Variants in CCSAP observed in about 807,000 individuals in gnomAD.
The protein encoded by CCSAP is centriole, cilia and spindle-associated protein.
A neutral mutation model predicts 25.9 loss-of-function variants in CCSAP; 17 were observed. The observed-to-expected ratio is 0.66, with a 90% CI of 0.45 to 0.99. The LOEUF is 0.99. CCSAP is among the 50% of genes least tolerant of loss of function. The pLI is 0.00. For missense variants in CCSAP, 339 were observed against 367.8 expected (o/e 0.92, Z 0.64); for synonymous variants, 169 against 157.1 (o/e 1.08, Z -0.57).
intron 2 of CCSAP, among the ~76,000 whole-genome samples, chr1:229,334,530 A>G (rs1658151015): frequency 6.6e-6 from 1 of 152,174 alleles, no homozygotes; most frequent in Admixed American, 6.5e-5. Context: ...AATGATAAGC[A>G]TCCATCTCAA....
chr1:229,326,740 C>T lies in CCSAP; in HGVS notation c.634G>A (p.Glu212Lys), dbSNP rs765708187. ...HNVCASAPVH[E>K]IHESALRAKN... ...AACCACAAGGGCCCAGAGCGCACCT[C>T]GTGCACAGGAGCGGACGCACAGACG... Residue 212 changes from glutamate (E) to lysine (K), a missense_variant and splice_region_variant, in exon 3 of 4, where the codon GAG becomes AAG. Transcript: ENST00000284617. 1.9e-6 allele frequency: 3 copies of T among 1,614,008 alleles called. No individual in the cohort carries two copies. Among genetic ancestry groups the T allele is most frequent in the East Asian group, 2.2e-5 (1 of 44,880 alleles).
intron 2 of CCSAP, among the ~76,000 whole-genome samples, chr1:229,340,249 G>A (rs1658299254): frequency 1.3e-5 from 2 of 152,204 alleles, no homozygotes; most frequent in South Asian, 4.1e-4. Context: ...TTACGGGTAG[G>A]AGCAAAACAA....
At chr1:229,326,298 A>G (rs1440556397) in intron 3 of CCSAP, among the ~76,000 whole-genome samples, 2 of 152,216 alleles carry the variant, frequency 1.3e-5, no homozygotes, top group Admixed American at 6.5e-5. Context: ...ATGCCAAGCA[A>G]TCAATCAATC....
rs1301407754 is a variant in CCSAP, at chr1:229,342,169, C to A, written c.297G>T (p.Gly99=). Residue 99 remains glycine (G), a synonymous_variant, in exon 2 of 4, where the codon GGG becomes GGT. Coordinates refer to ENST00000284617, the MANE Select transcript of CCSAP (RefSeq NM_145257.5). This position sits in a 1 kb window ranked among gnomAD's most constrained non-coding sequence, Gnocchi z 7.5. ...CCTCCGCGTCCTGCTCCTCCGGGGC[C>A]CCGCGCGCCCGCCGTTCCGCCTCCT... ...TQEEAERRAR[G]APEEQDAEAG... is the part of the protein sequence containing the mutation. 1 of 1,293,512 alleles carries A rather than the reference C, an allele frequency of 7.7e-7. No homozygotes were observed. Among genetic ancestry groups the A allele is most frequent in the African/African-American group, 1.5e-5 (1 of 65,124 alleles). The allele number at this position is 1,293,512 out of a possible 1,614,324, so 80.1% of individuals were successfully genotyped here.
intron 2 of CCSAP, chr1:229,340,442 C>T (rs1056211823): frequency 2.8e-6 from 2 of 715,760 alleles, no homozygotes; most frequent in Non-Finnish European, 5.2e-6. Context: ...CACAACGCTG[C>T]CTAAAAATTG....
chr1:229,333,390 G>A (rs574607871), intron 2 of CCSAP, among the ~76,000 whole-genome samples: 247 of 133,408 alleles, frequency 1.9e-3, no homozygotes, highest in Non-Finnish European at 3.0e-3. Context: ...CCGAGATCGC[G>A]CCACTGCACT....
At chr1:229,340,835 G>T (rs1205959717) in intron 2 of CCSAP, among the ~76,000 whole-genome samples, 1 of 152,154 alleles carries the variant, frequency 6.6e-6, no homozygotes, top group Admixed American at 6.5e-5. Flanking sequence ...TTGCAATCGG[G>T]TAAACAAAAA....
At position 229,342,524 on chromosome 1, in the gene CCSAP, C is replaced by T. The variant is rs941977109; in HGVS notation, c.-48-11G>A. On this transcript the variant is annotated splice_polypyrimidine_tract_variant and intron_variant, in intron 1 of 3. Coordinates refer to ENST00000284617, the MANE Select transcript of CCSAP (RefSeq NM_145257.5). This position sits in a 1 kb window ranked among gnomAD's most constrained non-coding sequence, Gnocchi z 7.5. ...CTCGCTGCCCGCAGCCTACGGGACC[C>T]GGTACACGACACAGAGGCCGCCCCG... The T allele has an allele frequency of 2.5e-6, 3 of 1,176,796 alleles. No homozygotes were observed. Among genetic ancestry groups the T allele is most frequent in the South Asian group, 3.1e-5 (1 of 32,618 alleles). 72.9% of individuals were successfully genotyped at this position (1,176,796 alleles called of 1,614,324 possible). A position where few individuals can be genotyped will look rare whatever the true frequency, so the allele number is the denominator to read the frequency against.
Position 229,323,082 on chromosome 1 carries a change from AAAG to A in CCSAP, c.*2150_*2152del, listed in dbSNP as rs1186663828. 1 of 152,208 alleles carries A rather than the reference AAAG, an allele frequency of 6.6e-6. No individual in the cohort carries two copies. The allele number at this position is 152,208 out of a possible 1,614,324, so 9.4% of individuals were successfully genotyped here. A position where few individuals can be genotyped will look rare whatever the true frequency, so the allele number is the denominator to read the frequency against. On this transcript the variant is annotated 3_prime_UTR_variant, in exon 4 of 4. Coordinates refer to ENST00000284617, the MANE Select transcript of CCSAP (RefSeq NM_145257.5). ...ATTGACACTCTTTAAAAAAGAAAGA[AAAG>A]AAACCCTAACCAACTAAGGACTTGG...
intron 2 of CCSAP, among the ~76,000 whole-genome samples, chr1:229,340,118 G>T (rs1658295948): frequency 6.6e-6 from 1 of 152,144 alleles, no homozygotes; most frequent in African/African-American, 2.4e-5. Context: ...TTCAGGGAAA[G>T]TAAAAAATTT....
chr1:229,337,501 A>G (rs1274302380), intron 2 of CCSAP, among the ~76,000 whole-genome samples: 1 of 150,814 alleles, frequency 6.6e-6, no homozygotes, highest in Admixed American at 6.6e-5. Context: ...TACAGGATCT[A>G]TAGAGGATGT....
chr1:229,330,833 TAA>T (rs1553304645), intron 2 of CCSAP, among the ~76,000 whole-genome samples: 21 of 118,196 alleles, frequency 1.8e-4, no homozygotes, highest in Admixed American at 6.6e-4. Context: ...CAACTCCATC[TAA>T]AAAAAAAAAA....
chr1:229,341,419 A>G (rs1658330856), intron 2 of CCSAP, among the ~76,000 whole-genome samples: 1 of 152,180 alleles, frequency 6.6e-6, no homozygotes. Context: ...CAGCCCTGCA[A>G]GCCTCTGGGC....
intron 2 of CCSAP, among the ~76,000 whole-genome samples, chr1:229,337,232 T>G (rs1015710376): frequency 1.3e-5 from 2 of 151,668 alleles, no homozygotes; most frequent in Non-Finnish European, 2.9e-5. Flanking sequence ...CCTAAAAAGA[T>G]ATAAAGAATC....
chr1:229,330,770 G>A lies in CCSAP; in HGVS notation c.368-3764C>T, dbSNP rs551703119. ...TGAGGCAGGAGAATAGTGTGAACCC[G>A]GGAGGCGGAGCTTGCAGTGAGCCGA... On this transcript the variant is annotated intron_variant, in intron 2 of 3. Transcript: ENST00000284617. Among the ~76,000 whole-genome samples the A allele has an allele frequency of 4.1e-3, 621 of 151,750 alleles. 4 individuals carry two copies. Among genetic ancestry groups the A allele is most frequent in the Non-Finnish European group, 7.2e-3 (489 of 67,894 alleles).
chr1:229,326,546 C>G (rs1657944393), intron 3 of CCSAP, among the ~76,000 whole-genome samples, 192 bp downstream of exon 3: 1 of 152,220 alleles, frequency 6.6e-6, no homozygotes, highest in Non-Finnish European at 1.5e-5. Context: ...TGCAGGCCAC[C>G]AACATGCAGA....
chr1:229,342,495 G>T lies in CCSAP; in HGVS notation c.-30C>A. ...CCGTCCGCCGCCTCGAGCGCCAGCCGCTCCTCGCTGCCCGCAGCCTACGGG... is the reference window on the plus strand; with the variant it reads ...CCGTCCGCCGCCTCGAGCGCCAGCCTCTCCTCGCTGCCCGCAGCCTACGGG... On this transcript the variant is annotated 5_prime_UTR_variant, in exon 2 of 4. Transcript: ENST00000284617. The surrounding 1 kb of genome is among the most constrained non-coding windows in gnomAD (Gnocchi z 7.5). 1 of 1,309,918 alleles carries T rather than the reference G, an allele frequency of 7.6e-7. No individual in the cohort carries two copies. 81.1% of individuals were successfully genotyped at this position (1,309,918 alleles called of 1,614,324 possible). A position where few individuals can be genotyped will look rare whatever the true frequency, so the allele number is the denominator to read the frequency against.
chr1:229,335,801 A>C (rs1334478845), intron 2 of CCSAP, among the ~76,000 whole-genome samples: 1 of 152,164 alleles, frequency 6.6e-6, no homozygotes, highest in South Asian at 2.1e-4. Context: ...CTCACTGCCC[A>C]GGGCCAACTT....
In CCSAP at chr1:229,342,426, G is replaced by A. The variant is rs1186064102; in HGVS notation, c.40C>T (p.Arg14Cys). 2 of 1,429,492 alleles carry A rather than the reference G, an allele frequency of 1.4e-6. No homozygotes were observed. Among genetic ancestry groups the A allele is most frequent in the Non-Finnish European group, 1.8e-6 (2 of 1,085,006 alleles). 88.6% of individuals were successfully genotyped at this position (1,429,492 alleles called of 1,614,324 possible). Residue 14 changes from arginine to cysteine, a missense_variant, in exon 2 of 4, where the codon CGC (arginine) becomes TGC (cysteine). Transcript: ENST00000284617. This position sits in a 1 kb window ranked among gnomAD's most constrained non-coding sequence, Gnocchi z 7.5. Reference protein sequence around the residue: ...GSGVKSEYMKRYQEPRWEEYG... With the variant: ...GSGVKSEYMKCYQEPRWEEYG... Reference sequence around the variant, plus strand: ...TCCTCCCAGCGCGGCTCCTGGTAGCGCTTCATGTACTCGCTCTTCACCCCG... The same window carrying A: ...TCCTCCCAGCGCGGCTCCTGGTAGCACTTCATGTACTCGCTCTTCACCCCG...
Sources: gnomAD v4.1 joint callset for allele counts (sites outside exome capture counted in the v4.1 genomes callset) on GRCh38, gnomAD v4.1.1 for gene constraint, Gnocchi (gnomAD v3.1) non-coding constraint, MANE v1.5 for transcripts, NCBI Gene and HGNC (gene_info 2026-07-23, HGNC 2026-07-21) for gene names.